The following ETV1 variants were observed in gnomAD, a reference collection of about 807,000 sequenced individuals.
ETV1 encodes ETS translocation variant 1.
In ETV1, 27 loss-of-function variants were observed where a neutral mutation model predicts 62.3. That is an observed-to-expected ratio of 0.43 (90% CI 0.32 to 0.60). ETV1 has a LOEUF of 0.60. ETV1 is among the 20% of genes least tolerant of loss of function. The probability of loss-of-function intolerance (pLI) is 0.06; values close to 1 mark genes in which losing one functional copy is unlikely to be tolerated. For missense variants in ETV1, 605 were observed against 605.8 expected (o/e 1.00, Z 0.01); for synonymous variants, 222 against 199.6 (o/e 1.11, Z -0.94).
intron 6 of ETV1, among the ~76,000 whole-genome samples, chr7:13,967,485 T>C (rs1278394067): frequency 2.6e-5 from 4 of 152,146 alleles, no homozygotes; most frequent in African/African-American, 9.6e-5. Flanking sequence ...TAGCCATTCC[T>C]GATATATTGC....
At chr7:13,968,530 C>T (rs1780539593) in intron 6 of ETV1, among the ~76,000 whole-genome samples, 1 of 150,664 alleles carries the variant, frequency 6.6e-6, no homozygotes, top group Admixed American at 6.6e-5. Context: ...ATTGGCTGCA[C>T]CTGTCCAATA....
At chr7:13,968,939 T>C (rs1250750775) in intron 6 of ETV1, among the ~76,000 whole-genome samples, 1 of 152,036 alleles carries the variant, frequency 6.6e-6, no homozygotes, top group East Asian at 1.9e-4. Flanking sequence ...AGATGGAGAG[T>C]ACTTTTCATT....
In ETV1 at chr7:13,894,955, TTAAA is replaced by T. The variant is rs1781637893; in HGVS notation, c.*907_*910del. ...ATTTAGTACAGTTAATTCTTATTGATTAAATAATGTATTTATGTACTGAAGAAAG... is the reference window on the plus strand; with the variant it reads ...ATTTAGTACAGTTAATTCTTATTGATTAATGTATTTATGTACTGAAGAAAG... On this transcript the variant is annotated 3_prime_UTR_variant, in exon 14 of 14. Coordinates refer to ENST00000430479, the MANE Select transcript of ETV1 (RefSeq NM_004956.5). 4.3e-6 allele frequency: 1 copy of T among 232,870 alleles called. No individual in the cohort carries two copies. The highest frequency in any genetic ancestry group is 1.8e-4 in the South Asian group (1 of 5,530). 14.4% of individuals were successfully genotyped at this position (232,870 alleles called of 1,614,324 possible). A position where few individuals can be genotyped will look rare whatever the true frequency, so the allele number is the denominator to read the frequency against.
intron 6 of ETV1, among the ~76,000 whole-genome samples, chr7:13,941,906 TA>T (rs1562653737): frequency 1.5e-5 from 2 of 135,944 alleles, no homozygotes; most frequent in African/African-American, 6.1e-5. Context: ...AATAAATAAA[TA>T]AAGTAAGAAA....
intron 9 of ETV1, among the ~76,000 whole-genome samples, chr7:13,914,326 C>A (rs1452796845): frequency 1.3e-5 from 2 of 151,902 alleles, no homozygotes; most frequent in African/African-American, 2.4e-5. Context: ...TTATTTGTTT[C>A]AAAACTTGTG....
intron 4 of ETV1, among the ~76,000 whole-genome samples, 169 bp downstream of exon 4, chr7:13,987,916 TC>T (rs1464150641): frequency 6.6e-6 from 1 of 152,190 alleles, no homozygotes; most frequent in Admixed American, 6.5e-5. Context: ...TAAAATAGTC[TC>T]CCATGCAAAC....
chr7:13,976,005 C>T (rs1781418780), intron 6 of ETV1, among the ~76,000 whole-genome samples: 1 of 152,190 alleles, frequency 6.6e-6, no homozygotes. Context: ...TCTTCCCATA[C>T]TTTAATCAAG....
At chr7:13,901,865 T>TA (rs879443504) in intron 12 of ETV1, among the ~76,000 whole-genome samples, 9 of 152,258 alleles carry the variant, frequency 5.9e-5, no homozygotes, top group Middle Eastern at 3.4e-3. Flanking sequence ...TGTTGTTTAA[T>TA]AAAAAAACTC....
intron 6 of ETV1, among the ~76,000 whole-genome samples, chr7:13,959,291 G>C (rs1277948271): frequency 3.3e-5 from 5 of 152,110 alleles, no homozygotes; most frequent in Non-Finnish European, 7.4e-5. Flanking sequence ...ATAGGAAGTA[G>C]TAGATGGGGC....
At chr7:13,909,525 T>C in intron 11 of ETV1, 107 bp downstream of exon 11, 1 of 793,552 alleles carries the variant, frequency 1.3e-6, no homozygotes, top group Non-Finnish European at 2.1e-6. Context: ...TGATGAATTA[T>C]GTGCATAGGA....
rs563008746 is a variant in ETV1 at position 13,893,088 on chromosome 7, T to C, written c.*2778A>G. The C allele has an allele frequency of 5.4e-4, 125 of 232,812 alleles. No homozygotes were observed. Among genetic ancestry groups the C allele is most frequent in the Admixed American group, 1.9e-3 (34 of 17,788 alleles). The allele number at this position is 232,812 out of a possible 1,614,324, so 14.4% of individuals were successfully genotyped here. On this transcript the variant is annotated 3_prime_UTR_variant, in exon 14 of 14. Coordinates refer to ENST00000430479, the MANE Select transcript of ETV1 (RefSeq NM_004956.5). ...TTCATGGACATAACAAGAAAAATTA[T>C]TTTTACTTAGTTATTTGAGTATAAG...
intron 6 of ETV1, among the ~76,000 whole-genome samples, chr7:13,961,278 A>C (rs536828705): frequency 6.6e-6 from 1 of 152,362 alleles, no homozygotes; most frequent in African/African-American, 2.4e-5. Context: ...TAATTGATTG[A>C]TTGGAAAAGT....
In ETV1 at chr7:13,919,876, CAA is replaced by C. The variant is rs1480781768; in HGVS notation, c.803-8571_803-8570del. On this transcript the variant is annotated intron_variant, in intron 9 of 13. Coordinates refer to ENST00000430479, the MANE Select transcript of ETV1 (RefSeq NM_004956.5). Reference sequence around the variant, plus strand: ...TATTCATGAAACAGACAAAAACACACAAAGACACACACACAGAGAGAGAGAGA... The same window carrying C: ...TATTCATGAAACAGACAAAAACACACAGACACACACACAGAGAGAGAGAGA... Among the ~76,000 whole-genome samples, 8 of 151,254 alleles carry C rather than the reference CAA, an allele frequency of 5.3e-5. No individual in the cohort carries two copies. In the East Asian group the frequency reaches 1.6e-3, roughly 29 times the overall value.
At chr7:13,944,537 T>C (rs890854328) in intron 6 of ETV1, among the ~76,000 whole-genome samples, 2 of 151,248 alleles carry the variant, frequency 1.3e-5, no homozygotes, top group African/African-American at 4.9e-5. Context: ...AGTTTCAATA[T>C]CCGAATTTGC....
chr7:13,907,643 T>C (rs1055938124), intron 11 of ETV1: 2 of 203,372 alleles, frequency 9.8e-6, no homozygotes, highest in Admixed American at 1.1e-4. Flanking sequence ...GGGGATTGAG[T>C]GTCTAGGGCC....
chr7:13,970,410 T>C (rs560769825), intron 6 of ETV1, among the ~76,000 whole-genome samples: 2 of 151,796 alleles, frequency 1.3e-5, no homozygotes, highest in Non-Finnish European at 2.9e-5. Context: ...GAATACTAAC[T>C]TGGGCGAGAA....
At chr7:13,905,961 CT>C (rs1782913039) in intron 12 of ETV1, among the ~76,000 whole-genome samples, 2 of 152,116 alleles carry the variant, frequency 1.3e-5, no homozygotes, top group Admixed American at 6.6e-5. Flanking sequence ...TTGAACATAA[CT>C]TTGGCCTCTA....
At chr7:13,942,853 A>T (rs1787721859) in intron 6 of ETV1, among the ~76,000 whole-genome samples, 1 of 152,198 alleles carries the variant, frequency 6.6e-6, no homozygotes, top group African/African-American at 2.4e-5. Context: ...ATTTATCAAA[A>T]TGTCAGCCAT....
In ETV1 at chr7:13,948,708, C is replaced by A. The variant is rs545986262; in HGVS notation, c.236-9462G>T. On this transcript the variant is annotated intron_variant, in intron 6 of 13. Coordinates refer to ENST00000430479, the MANE Select transcript of ETV1 (RefSeq NM_004956.5). ...CCACAAAGCGTGAAATATTTACTAT[C>A]TGACTCTTTACAGAGAAAAGTTTGC... is the stretch of plus-strand genomic sequence containing the variant. 3.9e-5 allele frequency among the ~76,000 whole-genome samples: 6 copies of A among 152,232 alleles called. No individual in the cohort carries two copies. The South Asian group carries it at 1.2e-3, about 32-fold the overall frequency.
Sources: allele counts gnomAD v4.1 joint callset (sites outside exome capture counted in the v4.1 genomes callset), GRCh38; gene constraint gnomAD v4.1.1; transcripts MANE v1.5; gene names NCBI Gene and HGNC (gene_info 2026-07-23, HGNC 2026-07-21).